CSGALNACT1: variants seen among roughly 807,000 people sequenced by gnomAD.
CSGALNACT1 encodes the protein beta4GalNAcT-1.
CSGALNACT1 carries 52 observed loss-of-function variants against 51.0 expected under a neutral mutation model. The ratio of observed to expected loss-of-function variants is 1.02; its 90% confidence interval spans 0.82 to 1.29. CSGALNACT1 has a LOEUF of 1.29. Among genes scored for constraint, CSGALNACT1 ranks in the 50% most tolerant of loss-of-function variants. The pLI is 0.00. For missense variants in CSGALNACT1, 935 were observed against 679.2 expected (o/e 1.38, Z -4.19); for synonymous variants, 341 against 254.4 (o/e 1.34, Z -3.24).
chr8:19,653,866 A>G lies in CSGALNACT1; in HGVS notation c.-544+28607T>C, dbSNP rs74487365. Among the ~76,000 whole-genome samples the G allele has an allele frequency of 2.1e-3, 326 of 152,188 alleles. 11 individuals are homozygous for G. The East Asian group carries it at 0.049, about 23-fold the overall frequency. On this transcript the variant is annotated intron_variant, in intron 1 of 9. Transcript: ENST00000332246. Reference sequence around the variant, plus strand: ...CTTGAGCATCAAATCCTTCTATCCAATACCTACCCACATCTCCCCTTAGTT... The same window carrying G: ...CTTGAGCATCAAATCCTTCTATCCAGTACCTACCCACATCTCCCCTTAGTT...
chr8:19,500,125 C>T (rs1035882633), intron 4 of CSGALNACT1, among the ~76,000 whole-genome samples: 1 of 152,148 alleles, frequency 6.6e-6, no homozygotes, highest in Non-Finnish European at 1.5e-5. Flanking sequence ...GAGAGAGGAA[C>T]CTTCTATCAC....
At chr8:19,736,393 A>G (rs974180097) in intron 1 of CSGALNACT1, among the ~76,000 whole-genome samples, 2 of 152,134 alleles carry the variant, frequency 1.3e-5, no homozygotes, top group African/African-American at 4.8e-5. Flanking sequence ...AAAAGTTTCT[A>G]TAGGATAGTC....
At chr8:19,627,829 T>A (rs1471924853) in intron 1 of CSGALNACT1, among the ~76,000 whole-genome samples, 2 of 152,020 alleles carry the variant, frequency 1.3e-5, no homozygotes, top group Admixed American at 1.3e-4. Flanking sequence ...CTCCTACCTT[T>A]AAAAAAATAA....
chr8:19,616,577 ACT>A (rs1330179691), intron 1 of CSGALNACT1, among the ~76,000 whole-genome samples: 1 of 152,144 alleles, frequency 6.6e-6, no homozygotes, highest in East Asian at 1.9e-4. Context: ...CTGGAAGGTG[ACT>A]GGATCATGGG....
At chr8:19,492,316 C>T (rs927697566) in intron 4 of CSGALNACT1, among the ~76,000 whole-genome samples, 2 of 152,176 alleles carry the variant, frequency 1.3e-5, no homozygotes, top group African/African-American at 4.8e-5. Flanking sequence ...TGAAATCAAC[C>T]AGCATACTGC....
chr8:19,418,545 A>G, intron 8 of CSGALNACT1, 111 bp downstream of exon 7: 1 of 777,782 alleles, frequency 1.3e-6, no homozygotes. Flanking sequence ...AAAAACTACT[A>G]AGGGAATCAT....
At position 19,674,141 on chromosome 8, in the gene CSGALNACT1, G is replaced by T. The variant is rs555162218; in HGVS notation, c.-544+8332C>A. Among the ~76,000 whole-genome samples, 4 of 152,224 alleles carry T rather than the reference G, an allele frequency of 2.6e-5. No homozygotes were observed. The East Asian group carries it at 5.8e-4, about 22-fold the overall frequency. Reference sequence around the variant, plus strand: ...CGTCTTTACTAAAAATACGAAAAAAGAATTAGCCAGGTGTGGTGGCGGACA... The same window carrying T: ...CGTCTTTACTAAAAATACGAAAAAATAATTAGCCAGGTGTGGTGGCGGACA... On this transcript the variant is annotated intron_variant, in intron 1 of 9. Transcript: ENST00000332246.
intron 1 of CSGALNACT1, among the ~76,000 whole-genome samples, chr8:19,668,821 G>T (rs1700756409): frequency 6.6e-6 from 1 of 152,172 alleles, no homozygotes; most frequent in Admixed American, 6.5e-5. Context: ...ACAAAGTGCT[G>T]GGATTACAGG....
rs116232070 is a variant in CSGALNACT1 at position 19,548,508 on chromosome 8, T to C, written c.-296-42378A>G. Among the ~76,000 whole-genome samples, 385 of 152,310 alleles carry C rather than the reference T, an allele frequency of 2.5e-3. 4 individuals carry two copies. The highest frequency in any genetic ancestry group is 8.5e-3 in the African/African-American group (352 of 41,576). On this transcript the variant is annotated intron_variant, in intron 3 of 9. Transcript: ENST00000454498. ...GCATTATTCACATGAAACTAAACAA[T>C]AGATTACTTTTCAATATATTCCAAA... is the stretch of plus-strand genomic sequence containing the variant.
At chr8:19,672,798 T>C (rs74966273) in intron 1 of CSGALNACT1, among the ~76,000 whole-genome samples, 1,915 of 152,256 alleles carry the variant, frequency 0.013, 44 homozygotes, top group African/African-American at 0.044. Flanking sequence ...AAATGATTTG[T>C]AGAAAAGTTA....
chr8:19,614,253 A>G (rs757284989), intron 1 of CSGALNACT1, among the ~76,000 whole-genome samples: 9 of 152,326 alleles, frequency 5.9e-5, no homozygotes, highest in Non-Finnish European at 1.3e-4. Context: ...TACTTTTACT[A>G]AAAAATCAAA....
At chr8:19,686,764 G>A (rs1023952064), upstream of CSGALNACT1, among the ~76,000 whole-genome samples, 10 of 152,256 alleles carry the variant, frequency 6.6e-5, no homozygotes, top group South Asian at 1.9e-3. Flanking sequence ...CCTCAGAAGG[G>A]AACATTCAGA....
chr8:19,408,487 TTTTTTTTTTTGA>T, intron 9 of CSGALNACT1, 114 bp downstream of exon 8: 1 of 495,120 alleles, frequency 2.0e-6, no homozygotes, highest in Non-Finnish European at 3.4e-6. Flanking sequence ...TTTTTTTTTT[TTTTTTTTTTTGA>T]AGGCAATGGT....
At chr8:19,500,935 G>C (rs1325007377) in intron 4 of CSGALNACT1, among the ~76,000 whole-genome samples, 2 of 152,154 alleles carry the variant, frequency 1.3e-5, no homozygotes, top group East Asian at 3.9e-4. Flanking sequence ...GAGGAATGCA[G>C]TGTCCTCCCA....
intron 3 of CSGALNACT1, among the ~76,000 whole-genome samples, chr8:19,530,418 C>A (rs1026184729): frequency 6.6e-6 from 1 of 152,058 alleles, no homozygotes; most frequent in Admixed American, 6.6e-5. Flanking sequence ...ATCTATAACT[C>A]TTTGCTTCAT....
chr8:19,556,041 G>C (rs1156898324), intron 3 of CSGALNACT1, among the ~76,000 whole-genome samples: 1 of 152,136 alleles, frequency 6.6e-6, no homozygotes, highest in Non-Finnish European at 1.5e-5. Flanking sequence ...TGAAAGTTGT[G>C]ATGACAAGCG....
In CSGALNACT1 at chr8:19,405,832, A is replaced by G. The variant is rs376992666; in HGVS notation, c.1547T>C (p.Ile516Thr). ...TTTCTGTTTGCGAAGGTGAGCCTCT[A>G]TCTCGTGCCTGAACACCAGCATGCC... The change falls in exon 10 of 10, where the codon ATA (isoleucine) becomes ACA (threonine). Residue 516 changes from isoleucine to threonine, a missense_variant. Coordinates refer to ENST00000454498, the Ensembl canonical transcript of CSGALNACT1. 1.1e-4 allele frequency: 171 copies of G among 1,613,806 alleles called. No individual in the cohort carries two copies. The highest frequency in any genetic ancestry group is 1.4e-4 in the Non-Finnish European group (166 of 1,179,990).
intron 1 of CSGALNACT1, among the ~76,000 whole-genome samples, chr8:19,727,253 CT>C: frequency 6.6e-6 from 1 of 152,294 alleles, no homozygotes; most frequent in South Asian, 2.1e-4. Context: ...TTAGGAGTGA[CT>C]TCTCCCTTTA....
At chr8:19,504,409 G>T (rs1476328811) in intron 4 of CSGALNACT1, among the ~76,000 whole-genome samples, 2 of 152,202 alleles carry the variant, frequency 1.3e-5, no homozygotes, top group African/African-American at 4.8e-5. Context: ...AATGGGGAAA[G>T]AACTAGATGT....
Sources: allele counts gnomAD v4.1 joint callset (sites outside exome capture counted in the v4.1 genomes callset), GRCh38; gene constraint gnomAD v4.1.1; transcripts MANE v1.5; gene names NCBI Gene and HGNC (gene_info 2026-07-23, HGNC 2026-07-21).